Variants in PCDH15 observed in about 807,000 individuals in gnomAD.
PCDH15 encodes protocadherin-15.
Under a neutral mutation model 178.5 loss-of-function variants are expected in PCDH15, and 129 were observed. The observed-to-expected ratio is 0.72, with a 90% CI of 0.63 to 0.84. PCDH15 has a LOEUF of 0.84. Ranked by LOEUF, PCDH15 falls within the 40% of genes least tolerant of loss-of-function variation. The pLI is 0.00. For synonymous variants in PCDH15, 800 were observed against 732.0 expected (o/e 1.09, Z -1.50); for missense variants, 2,230 against 2,099.9 (o/e 1.06, Z -1.21).
intron 8 of PCDH15, among the ~76,000 whole-genome samples, chr10:54,257,274 G>C (rs977896915): frequency 5.3e-5 from 8 of 152,098 alleles, no homozygotes; most frequent in Non-Finnish European, 8.8e-5. Flanking sequence ...AGAGGACAGA[G>C]GGTTGCGTTA....
intron 13 of PCDH15, among the ~76,000 whole-genome samples, chr10:54,174,467 G>A (rs755515460): frequency 1.6e-4 from 24 of 151,980 alleles, no homozygotes; most frequent in Non-Finnish European, 2.8e-4. Context: ...CTCGGGAGGC[G>A]GAGCTTGCAG....
At chr10:53,965,131 C>T (rs2088865285) in intron 21 of PCDH15, among the ~76,000 whole-genome samples, 1 of 151,628 alleles carries the variant, frequency 6.6e-6, no homozygotes, top group Non-Finnish European at 1.5e-5. Flanking sequence ...GATCTCCGCT[C>T]ACTGCAACCT....
At chr10:54,074,295 CTT>C (rs1485884671) in intron 17 of PCDH15, among the ~76,000 whole-genome samples, 1 of 152,146 alleles carries the variant, frequency 6.6e-6, no homozygotes, top group East Asian at 1.9e-4. Flanking sequence ...CTCTAAAACT[CTT>C]TTAATCTAGC....
intron 1 of PCDH15, among the ~76,000 whole-genome samples, chr10:55,173,309 A>ATG (rs775260037): frequency 0.012 from 1,538 of 133,114 alleles, 27 homozygotes; most frequent in African/African-American, 0.035. Flanking sequence ...TAGAAAGATT[A>ATG]TGTGTGTGTG....
At chr10:54,395,123 G>T (rs1951037890) in intron 3 of PCDH15, among the ~76,000 whole-genome samples, 1 of 152,084 alleles carries the variant, frequency 6.6e-6, no homozygotes, top group Non-Finnish European at 1.5e-5. Flanking sequence ...ACAGGATTAA[G>T]AGATTAAAGT....
At chr10:55,615,353 C>A (rs1203650819) in intron 2 of PCDH15, among the ~76,000 whole-genome samples, 1 of 152,080 alleles carries the variant, frequency 6.6e-6, no homozygotes, top group Non-Finnish European at 1.5e-5. Flanking sequence ...GGAAACACTG[C>A]AAAATGTCAT....
chr10:54,650,804 G>T (rs2094241580), intron 2 of PCDH15, among the ~76,000 whole-genome samples: 1 of 152,044 alleles, frequency 6.6e-6, no homozygotes, highest in African/African-American at 2.4e-5. Flanking sequence ...ACTACTGTGA[G>T]AACAGTACTG....
chr10:55,118,320 T>G (rs1461168227), intron 2 of PCDH15, among the ~76,000 whole-genome samples: 1 of 152,186 alleles, frequency 6.6e-6, no homozygotes, highest in African/African-American at 2.4e-5. Flanking sequence ...CTCCTTATCT[T>G]ACTTTATAAT....
At chr10:54,899,481 C>T (rs1217632914) in intron 2 of PCDH15, among the ~76,000 whole-genome samples, 3 of 150,192 alleles carry the variant, frequency 2.0e-5, no homozygotes, top group Admixed American at 6.6e-5. Flanking sequence ...CCCTCCCCTC[C>T]CCTTCCCTTC....
At chr10:55,422,292 T>G (rs919770964) in intron 2 of PCDH15, among the ~76,000 whole-genome samples, 6 of 151,828 alleles carry the variant, frequency 4.0e-5, no homozygotes, top group Admixed American at 6.6e-5. Flanking sequence ...CAGCAGAAAA[T>G]TTAACAAAAC....
At chr10:54,743,596 C>T (rs926855081) in intron 1 of PCDH15, among the ~76,000 whole-genome samples, 6 of 151,848 alleles carry the variant, frequency 4.0e-5, no homozygotes, top group African/African-American at 1.2e-4. Context: ...TTTAATTTGG[C>T]TTCTAAGTAT....
intron 1 of PCDH15, among the ~76,000 whole-genome samples, chr10:54,762,539 AACACCAT>A (rs1948018398): frequency 6.6e-6 from 1 of 152,118 alleles, no homozygotes; most frequent in South Asian, 2.1e-4. Context: ...TCTCAAATCA[AACACCAT>A]ACTATTGAGA....
At chr10:55,108,760 G>T (rs965680592) in intron 2 of PCDH15, among the ~76,000 whole-genome samples, 2 of 151,642 alleles carry the variant, frequency 1.3e-5, no homozygotes, top group Non-Finnish European at 2.9e-5. Context: ...CTAGTCTATA[G>T]TTTCAGGCCT....
intron 15 of PCDH15, among the ~76,000 whole-genome samples, chr10:54,101,463 C>A (rs1302764112): frequency 6.6e-6 from 1 of 152,140 alleles, no homozygotes; most frequent in East Asian, 1.9e-4. Flanking sequence ...CAATTCACAA[C>A]TAATACTTAG....
At chr10:54,759,441 T>C (rs1947580729) in intron 1 of PCDH15, among the ~76,000 whole-genome samples, 1 of 152,206 alleles carries the variant, frequency 6.6e-6, no homozygotes, top group Admixed American at 6.5e-5. Flanking sequence ...CTAATATATA[T>C]AAATCCTAAA....
chr10:55,184,602 T>C (rs1190013539), intron 1 of PCDH15, among the ~76,000 whole-genome samples: 2 of 151,914 alleles, frequency 1.3e-5, no homozygotes, highest in African/African-American at 2.4e-5. Flanking sequence ...AAAGACAAAA[T>C]TGCTCAAGAA....
chr10:53,893,945 T>C (rs1011699796), intron 26 of PCDH15, among the ~76,000 whole-genome samples: 1 of 152,162 alleles, frequency 6.6e-6, no homozygotes, highest in Non-Finnish European at 1.5e-5. Context: ...AAATACTTTT[T>C]TGCTAAACTT....
chr10:54,087,132 CTT>C (rs879427205), intron 16 of PCDH15, among the ~76,000 whole-genome samples: 24 of 152,232 alleles, frequency 1.6e-4, no homozygotes, highest in Admixed American at 1.0e-3. Context: ...TCATTGTTGT[CTT>C]TTTCTTTTGT....
At chr10:54,749,031 C>T (rs963801557) in intron 1 of PCDH15, among the ~76,000 whole-genome samples, 1 of 152,068 alleles carries the variant, frequency 6.6e-6, no homozygotes, top group Non-Finnish European at 1.5e-5. Flanking sequence ...GGTGAGTGGG[C>T]TCAGTAAATG....
Sources: allele counts gnomAD v4.1 joint callset (sites outside exome capture counted in the v4.1 genomes callset), GRCh38; gene constraint gnomAD v4.1.1; transcripts MANE v1.5; gene names NCBI Gene and HGNC (gene_info 2026-07-23, HGNC 2026-07-21).